SLC25A21: variants seen among roughly 807,000 people sequenced by gnomAD.
SLC25A21 encodes mitochondrial 2-oxodicarboxylate carrier.
In SLC25A21, 47 loss-of-function variants were observed where a neutral mutation model predicts 43.8. The observed-to-expected ratio is 1.07, with a 90% confidence interval of 0.85 to 1.37. SLC25A21 has a LOEUF of 1.37. Among genes scored for constraint, SLC25A21 ranks in the 40% most tolerant of loss-of-function variants. The probability of loss-of-function intolerance (pLI) is 0.00; values close to 1 mark genes in which losing one functional copy is unlikely to be tolerated. For synonymous variants in SLC25A21, 131 were observed against 121.3 expected, an observed-to-expected ratio of 1.08 and a Z score of -0.52; for missense variants, 352 against 350.2, an observed-to-expected ratio of 1.00 and a Z score of -0.04.
At chr14:37,104,754 G>A (rs1962881100) in intron 1 of SLC25A21, among the ~76,000 whole-genome samples, 1 of 152,146 alleles carries the variant, frequency 6.6e-6, no homozygotes, top group Non-Finnish European at 1.5e-5. Flanking sequence ...CACACAGGTA[G>A]GAGGTGGCCC....
chr14:37,130,201 C>A (rs751486328), intron 1 of SLC25A21, among the ~76,000 whole-genome samples: 5 of 151,984 alleles, frequency 3.3e-5, no homozygotes, highest in African/African-American at 1.2e-4. Context: ...GAGTTAGAGG[C>A]TGCAGTGAGC....
At chr14:36,970,383 T>C (rs1470776975) in intron 1 of SLC25A21, among the ~76,000 whole-genome samples, 3 of 152,188 alleles carry the variant, frequency 2.0e-5, no homozygotes, top group Admixed American at 2.0e-4. Context: ...CTAACATACA[T>C]GGAAGTTACT....
At chr14:37,000,696 T>C (rs1351663953) in intron 1 of SLC25A21, among the ~76,000 whole-genome samples, 1 of 152,150 alleles carries the variant, frequency 6.6e-6, no homozygotes, top group African/African-American at 2.4e-5. Context: ...AGGGACCTGG[T>C]GCGAGGTGAT....
intron 2 of SLC25A21, among the ~76,000 whole-genome samples, chr14:36,835,354 T>C (rs757321079): frequency 1.3e-4 from 20 of 152,168 alleles, no homozygotes; most frequent in Non-Finnish European, 1.9e-4. Flanking sequence ...TTCAATATAA[T>C]GTGAGCCAGC....
At chr14:36,849,252 C>T (rs848049) in intron 2 of SLC25A21, among the ~76,000 whole-genome samples, 7,716 of 152,182 alleles carry the variant, frequency 0.051, 265 homozygotes, top group Non-Finnish European at 0.073. Flanking sequence ...CCTATATGCC[C>T]ATCTGTATTT....
intron 1 of SLC25A21, among the ~76,000 whole-genome samples, chr14:36,883,837 T>G (rs1052835236): frequency 2.0e-5 from 3 of 152,184 alleles, no homozygotes; most frequent in South Asian, 2.1e-4. Flanking sequence ...TTATTTTATT[T>G]TTTAATGACA....
chr14:36,945,615 G>C (rs935346890), intron 1 of SLC25A21, among the ~76,000 whole-genome samples: 4 of 152,180 alleles, frequency 2.6e-5, no homozygotes, highest in Non-Finnish European at 4.4e-5. Context: ...AGTCCTAAAA[G>C]GACAGATACT....
chr14:36,768,489 C>A (rs1484386262), intron 3 of SLC25A21, among the ~76,000 whole-genome samples: 1 of 152,264 alleles, frequency 6.6e-6, no homozygotes, highest in East Asian at 1.9e-4. Flanking sequence ...TCTCACCCCA[C>A]CGTCGCCTCT....
At chr14:37,046,691 T>G (rs1961593928) in intron 1 of SLC25A21, among the ~76,000 whole-genome samples, 1 of 152,206 alleles carries the variant, frequency 6.6e-6, no homozygotes, top group African/African-American at 2.4e-5. Flanking sequence ...GATGTTGGAT[T>G]GATTTCTTAA....
intron 1 of SLC25A21, among the ~76,000 whole-genome samples, chr14:37,068,334 T>C (rs775634428): frequency 2.8e-4 from 42 of 152,322 alleles, no homozygotes; most frequent in Non-Finnish European, 5.3e-4. Context: ...TCTCTGTCTA[T>C]AAAATGGGTG....
At chr14:37,073,695 C>T (rs866333244) in intron 1 of SLC25A21, among the ~76,000 whole-genome samples, 5 of 152,154 alleles carry the variant, frequency 3.3e-5, no homozygotes, top group African/African-American at 4.8e-5. Context: ...CTCCTAGCAT[C>T]GTTCCTGAAG....
At chr14:36,878,834 A>C (rs1052866153) in intron 1 of SLC25A21, among the ~76,000 whole-genome samples, 6 of 152,120 alleles carry the variant, frequency 3.9e-5, no homozygotes, top group Non-Finnish European at 8.8e-5. Context: ...GCTTTTACCA[A>C]CCTGGCATTT....
At chr14:36,695,773 C>G (rs909294818) in intron 7 of SLC25A21, among the ~76,000 whole-genome samples, 6 of 152,072 alleles carry the variant, frequency 3.9e-5, no homozygotes, top group African/African-American at 1.4e-4. Flanking sequence ...CTGAGACTTT[C>G]CTGAATTTGC....
chr14:36,938,863 C>T (rs1244036196), intron 1 of SLC25A21, among the ~76,000 whole-genome samples: 1 of 152,024 alleles, frequency 6.6e-6, no homozygotes, highest in African/African-American at 2.4e-5. Context: ...CAAAAAACTT[C>T]AGAAATCTAT....
At chr14:36,943,114 C>A (rs1249473301) in intron 1 of SLC25A21, among the ~76,000 whole-genome samples, 1 of 152,154 alleles carries the variant, frequency 6.6e-6, no homozygotes, top group Non-Finnish European at 1.5e-5. Flanking sequence ...ACTCTATAGT[C>A]TTCCCAATTG....
intron 1 of SLC25A21, among the ~76,000 whole-genome samples, chr14:37,167,574 T>G (rs1964050276): frequency 6.6e-6 from 1 of 152,166 alleles, no homozygotes; most frequent in Admixed American, 6.5e-5. Context: ...GCCTGGAGAC[T>G]AGACTGCCTT....
At chr14:37,017,836 A>C (rs1960896226) in intron 1 of SLC25A21, among the ~76,000 whole-genome samples, 1 of 152,040 alleles carries the variant, frequency 6.6e-6, no homozygotes, top group Admixed American at 6.6e-5. Context: ...AATAACACTA[A>C]GATAATATTT....
At chr14:37,089,028 C>T (rs376225958) in intron 1 of SLC25A21, among the ~76,000 whole-genome samples, 12 of 152,282 alleles carry the variant, frequency 7.9e-5, no homozygotes, top group East Asian at 5.8e-4. Flanking sequence ...TGACTTCCGC[C>T]GTAAGCGAGG....
chr14:36,970,576 C>T (rs1959727368), intron 1 of SLC25A21, among the ~76,000 whole-genome samples: 1 of 152,160 alleles, frequency 6.6e-6, no homozygotes, highest in Non-Finnish European at 1.5e-5. Flanking sequence ...AATGGCATTA[C>T]TAATTACCTC....
Sources: gnomAD v4.1 joint callset for allele counts (sites outside exome capture counted in the v4.1 genomes callset) on GRCh38, gnomAD v4.1.1 for gene constraint, MANE v1.5 for transcripts, NCBI Gene and HGNC (gene_info 2026-07-23, HGNC 2026-07-21) for gene names.